GMDS: variants seen among roughly 807,000 people sequenced by gnomAD.
GMDS encodes the protein GDP-mannose 4,6 dehydratase.
A neutral mutation model predicts 49.9 loss-of-function variants in GMDS; 20 were observed. That is an observed-to-expected ratio of 0.40 (90% CI 0.28 to 0.58). The LOEUF is 0.58. GMDS is among the 20% of genes least tolerant of loss of function. The probability of loss-of-function intolerance (pLI) is 0.42; values close to 1 mark genes in which losing one functional copy is unlikely to be tolerated. For synonymous variants in GMDS, 177 were observed against 178.6 expected, an observed-to-expected ratio of 0.99 and a Z score of 0.07; for missense variants, 362 against 481.4, an observed-to-expected ratio of 0.75 and a Z score of 2.32.
At chr6:2,021,446 C>A (rs552862697) in intron 4 of GMDS, among the ~76,000 whole-genome samples, 2 of 152,102 alleles carry the variant, frequency 1.3e-5, no homozygotes, top group Admixed American at 1.3e-4. Flanking sequence ...ATCTAGGTGC[C>A]TTTTTCCTAA....
rs12523754 is a variant in GMDS at position 1,674,798 on chromosome 6, C to A, written c.988-50258G>T. On this transcript the variant is annotated intron_variant, in intron 9 of 10. Transcript: ENST00000380815. Reference sequence around the variant, plus strand: ...CTCCTGGGCTCAAGCAATCTGCCTGCCTTGGCCTCCAAAAGTACTGGAATT... The same window carrying A: ...CTCCTGGGCTCAAGCAATCTGCCTGACTTGGCCTCCAAAAGTACTGGAATT... Among the ~76,000 whole-genome samples, 1,438 of 151,732 alleles carry A rather than the reference C, an allele frequency of 9.5e-3. 56 individuals are homozygous for A. The highest frequency in any genetic ancestry group is 0.06 in the Admixed American group (918 of 15,216).
At chr6:2,078,846 A>G (rs1362439746) in intron 4 of GMDS, among the ~76,000 whole-genome samples, 1 of 151,958 alleles carries the variant, frequency 6.6e-6, no homozygotes, top group African/African-American at 2.4e-5. Flanking sequence ...GATTTGTCTC[A>G]TGCTGAGAAT....
At chr6:1,791,775 T>G (rs1054724293) in intron 7 of GMDS, among the ~76,000 whole-genome samples, 1 of 152,206 alleles carries the variant, frequency 6.6e-6, no homozygotes, top group Admixed American at 6.5e-5. Flanking sequence ...TTTTTAAACT[T>G]TACTACTGTT....
chr6:2,098,576 G>A (rs1442246298), intron 4 of GMDS, among the ~76,000 whole-genome samples: 1 of 152,082 alleles, frequency 6.6e-6, no homozygotes, highest in African/African-American at 2.4e-5. Flanking sequence ...GCTTAGTTGA[G>A]AAACACTTAA....
intron 4 of GMDS, among the ~76,000 whole-genome samples, chr6:2,025,108 C>A (rs1212073943): frequency 6.6e-6 from 1 of 151,852 alleles, no homozygotes; most frequent in Admixed American, 6.6e-5. Context: ...ATATTATAGT[C>A]TTCAATGCAA....
intron 7 of GMDS, among the ~76,000 whole-genome samples, chr6:1,895,880 T>C (rs1760149000): frequency 6.6e-6 from 1 of 152,116 alleles, no homozygotes; most frequent in South Asian, 2.1e-4. Context: ...AAATATGCCA[T>C]CAGCTTCTTC....
intron 1 of GMDS, among the ~76,000 whole-genome samples, chr6:2,185,293 T>C (rs1778729017): frequency 6.6e-6 from 1 of 152,198 alleles, no homozygotes; most frequent in African/African-American, 2.4e-5. Context: ...ATGCCTGTGG[T>C]CACCGCCAGC....
chr6:2,063,591 C>T (rs150124767), intron 4 of GMDS, among the ~76,000 whole-genome samples: 6 of 152,188 alleles, frequency 3.9e-5, no homozygotes, highest in Non-Finnish European at 8.8e-5. Flanking sequence ...TAAGAAACTG[C>T]TAACACTACA....
intron 7 of GMDS, among the ~76,000 whole-genome samples, chr6:1,773,194 CTT>C (rs535227437): frequency 0.086 from 12,356 of 143,326 alleles, 1,005 homozygotes; most frequent in African/African-American, 0.21. Flanking sequence ...AGAGGGTCCT[CTT>C]TTTTTTTTTT....
chr6:1,994,876 A>T (rs1766180659), intron 4 of GMDS, among the ~76,000 whole-genome samples: 1 of 152,202 alleles, frequency 6.6e-6, no homozygotes, highest in Admixed American at 6.5e-5. Context: ...TATGGAAATC[A>T]CTAAAGCAAT....
At chr6:1,687,287 C>T (rs1017078567) in intron 9 of GMDS, among the ~76,000 whole-genome samples, 19 of 152,234 alleles carry the variant, frequency 1.2e-4, no homozygotes, top group African/African-American at 3.9e-4. Flanking sequence ...GCACCTGCTA[C>T]CTAGACTCTC....
At chr6:1,704,169 AAC>A (rs1288652066) in intron 9 of GMDS, among the ~76,000 whole-genome samples, 1 of 152,198 alleles carries the variant, frequency 6.6e-6, no homozygotes, top group East Asian at 1.9e-4. Flanking sequence ...GTGAGTCAAC[AAC>A]ACAAGGTTGT....
chr6:2,149,476 G>T (rs1371934375), intron 1 of GMDS, among the ~76,000 whole-genome samples: 2 of 152,122 alleles, frequency 1.3e-5, no homozygotes, highest in Admixed American at 6.5e-5. Context: ...ATTATGTGAG[G>T]CGTCTACCAC....
intron 7 of GMDS, among the ~76,000 whole-genome samples, chr6:1,928,883 C>T (rs925921549): frequency 2.0e-5 from 3 of 152,028 alleles, no homozygotes; most frequent in South Asian, 2.1e-4. Flanking sequence ...GCAGGAGAAT[C>T]GCTTGAACCT....
chr6:1,726,292 C>T (rs564552633), intron 9 of GMDS, 124 bp downstream of exon 9: 10 of 682,336 alleles, frequency 1.5e-5, no homozygotes, highest in Admixed American at 7.2e-5. Flanking sequence ...TGGAAATGCA[C>T]GCTGAAGGAT....
chr6:1,974,213 C>T (rs1198223617), intron 4 of GMDS, among the ~76,000 whole-genome samples: 7 of 150,790 alleles, frequency 4.6e-5, no homozygotes, highest in Non-Finnish European at 1.0e-4. Context: ...AGTAAGCCCT[C>T]ATGAGATACC....
At chr6:1,773,539 C>T (rs772275713) in intron 7 of GMDS, among the ~76,000 whole-genome samples, 1 of 152,156 alleles carries the variant, frequency 6.6e-6, no homozygotes, top group South Asian at 2.1e-4. Context: ...GCGTGCACAT[C>T]GGAGGGAAAT....
At chr6:1,933,741 T>A (rs1762399926) in intron 6 of GMDS, among the ~76,000 whole-genome samples, 1 of 152,246 alleles carries the variant, frequency 6.6e-6, no homozygotes, top group South Asian at 2.1e-4. Flanking sequence ...TATAGAGTTG[T>A]AAGAATTCTT....
chr6:2,029,554 T>C (rs1768827521), intron 4 of GMDS, among the ~76,000 whole-genome samples: 1 of 152,220 alleles, frequency 6.6e-6, no homozygotes. Context: ...CAACTGCACC[T>C]GCAGTCCAGC....
Sources: allele counts gnomAD v4.1 joint callset (sites outside exome capture counted in the v4.1 genomes callset), GRCh38; gene constraint gnomAD v4.1.1; transcripts MANE v1.5; gene names NCBI Gene and HGNC (gene_info 2026-07-23, HGNC 2026-07-21).